Variants in SPINK6 observed in about 807,000 individuals in gnomAD.
SPINK6 encodes the protein serine peptidase inhibitor Kazal type 6.
A neutral mutation model predicts 11.7 loss-of-function variants in SPINK6; 13 were observed. The ratio of observed to expected loss-of-function variants is 1.11; its 90% confidence interval spans 0.72 to 1.76. SPINK6 has a LOEUF of 1.76. Among genes scored for constraint, SPINK6 ranks in the 40% most tolerant of loss-of-function variants. The probability of loss-of-function intolerance (pLI) is 0.00; values close to 1 mark genes in which losing one functional copy is unlikely to be tolerated. For missense variants in SPINK6, 98 were observed against 93.7 expected (o/e 1.05, Z -0.19); for synonymous variants, 21 against 31.9 (o/e 0.66, Z 1.15).
At chr5:148,210,182 ATATGTATTT>A (rs1561732505) in intron 2 of SPINK6, among the ~76,000 whole-genome samples, 5 of 20,620 alleles carry the variant, frequency 2.4e-4, no homozygotes, top group African/African-American at 3.0e-4. Context: ...TTCTGCATGC[ATATGTATTT>A]CTGCATGCAT....
chr5:148,214,719 T>C (rs1020645874), intron 3 of SPINK6, among the ~76,000 whole-genome samples, 186 bp from the exon 4 acceptor site: 1 of 152,240 alleles, frequency 6.6e-6, no homozygotes, highest in African/African-American at 2.4e-5. Context: ...TTAAGATTCA[T>C]ACTTTCCACA....
At chr5:148,205,257 G>C (rs1755482745) in intron 1 of SPINK6, among the ~76,000 whole-genome samples, 1 of 152,136 alleles carries the variant, frequency 6.6e-6, no homozygotes, top group Admixed American at 6.6e-5. Flanking sequence ...GTGTCAGAGG[G>C]ATTGGGAAAG....
intron 2 of SPINK6, among the ~76,000 whole-genome samples, chr5:148,208,916 C>A (rs1755533706): frequency 6.6e-6 from 1 of 152,146 alleles, no homozygotes; most frequent in Non-Finnish European, 1.5e-5. Flanking sequence ...TATTTGGGAA[C>A]CTTATCCTTA....
Position 148,210,108 on chromosome 5 carries a change from ATATG to A in SPINK6, c.82-3792_82-3789del, listed in dbSNP as rs138169490. Among the ~76,000 whole-genome samples the A allele has an allele frequency of 9.4e-3, 1,415 of 150,794 alleles. 145 individuals carry two copies. In the East Asian group the frequency reaches 0.19, roughly 21 times the overall value. On this transcript the variant is annotated intron_variant, in intron 2 of 3. Transcript: ENST00000325630. ...TGCATGTTTACATGTATGTATGCACATATGTATGTATGTTTACATTTATTTCTGC... is the reference window on the plus strand; with the variant it reads ...TGCATGTTTACATGTATGTATGCACATATGTATGTTTACATTTATTTCTGC...
intron 2 of SPINK6, among the ~76,000 whole-genome samples, chr5:148,213,268 G>A (rs1226654403): frequency 6.6e-6 from 1 of 152,040 alleles, no homozygotes; most frequent in Non-Finnish European, 1.5e-5. Flanking sequence ...CTGGAGTGCG[G>A]TGGCGCGATC....
rs1321099766 is a variant in SPINK6, at chr5:148,213,984, C to G, written c.156C>G (p.Gly52=). ...CTAACCCACACTGTGGCTCTGATGGCCAGACATATGGCAATAAATGTGCCT... is the reference window on the plus strand; with the variant it reads ...CTAACCCACACTGTGGCTCTGATGGGCAGACATATGGCAATAAATGTGCCT... ...RESNPHCGSD[G]QTYGNKCAFC... Residue 52 remains glycine, a synonymous_variant, in exon 3 of 4, where the codon GGC becomes GGG. Coordinates refer to ENST00000325630, the MANE Select transcript of SPINK6 (RefSeq NM_205841.4). 1.2e-6 allele frequency: 2 copies of G among 1,613,442 alleles called. No homozygotes were observed. The highest frequency in any genetic ancestry group is 2.2e-5 in the East Asian group (1 of 44,876).
chr5:148,205,990 G>T (rs1755492882), intron 1 of SPINK6, 46 bp from the exon 2 acceptor site: 1 of 1,608,732 alleles, frequency 6.2e-7, no homozygotes, highest in African/African-American at 1.3e-5. Flanking sequence ...TTCACTTTTT[G>T]TACATCAATG....
intron 2 of SPINK6, among the ~76,000 whole-genome samples, chr5:148,207,505 A>G (rs1294743098): frequency 6.6e-6 from 1 of 152,028 alleles, no homozygotes; most frequent in East Asian, 1.9e-4. Flanking sequence ...CTCAGGCCCA[A>G]AAAGGGAGAA....
At chr5:148,214,195 A>G (rs1755653036) in intron 3 of SPINK6, among the ~76,000 whole-genome samples, 170 bp downstream of exon 3, 1 of 152,216 alleles carries the variant, frequency 6.6e-6, no homozygotes, top group Non-Finnish European at 1.5e-5. Context: ...CAACAAAAAC[A>G]TTACATACTA....
At chr5:148,208,092 G>A (rs549301208) in intron 2 of SPINK6, among the ~76,000 whole-genome samples, 1 of 152,232 alleles carries the variant, frequency 6.6e-6, no homozygotes, top group African/African-American at 2.4e-5. Context: ...ATAGATGAGT[G>A]GAGTCCTCAT....
At position 148,203,071 on chromosome 5, in the gene SPINK6, T is replaced by C. The variant is rs1169659438; in HGVS notation, c.-26T>C. The stretch of plus-strand genomic sequence containing the variant: ...AGAACCTCAGCTGGACAAAGCAGCC[T>C]TGATCTGAGTGAGCTAACTGACACA... On this transcript the variant is annotated 5_prime_UTR_variant, in exon 1 of 4. Coordinates refer to ENST00000325630, the MANE Select transcript of SPINK6 (RefSeq NM_205841.4). 1 of 1,598,676 alleles carries C rather than the reference T, an allele frequency of 6.3e-7. No homozygotes were observed. Among genetic ancestry groups the C allele is most frequent in the African/African-American group, 1.4e-5 (1 of 73,976 alleles).
chr5:148,210,268 ATGTG>A lies in SPINK6; in HGVS notation c.82-3640_82-3637del, dbSNP rs1192467996. 1.4e-4 allele frequency among the ~76,000 whole-genome samples: 14 copies of A among 103,128 alleles called. 1 individual carries two copies. Among genetic ancestry groups the A allele is most frequent in the African/African-American group, 4.6e-4 (13 of 28,382 alleles). 67.7% of individuals were successfully genotyped at this position (103,128 alleles called of 152,430 possible). On this transcript the variant is annotated intron_variant, in intron 2 of 3. Coordinates refer to ENST00000325630, the MANE Select transcript of SPINK6 (RefSeq NM_205841.4). ...TGTATTTCTGCATACATATATATGT[ATGTG>A]TTTCTGCATACATATATATGTATGT...
At chr5:148,203,224 T>C in intron 1 of SPINK6, 70 bp downstream of exon 1, 2 of 1,138,650 alleles carry the variant, frequency 1.8e-6, no homozygotes, top group South Asian at 1.5e-5. Flanking sequence ...TTGTTTATCA[T>C]ATTTTAAATC....
In SPINK6 at chr5:148,204,911, C is replaced by T. The variant is rs1755478519; in HGVS notation, c.59-1125C>T. On this transcript the variant is annotated intron_variant, in intron 1 of 3. Transcript: ENST00000325630. The stretch of plus-strand genomic sequence containing the variant: ...AATTCTAATAATAAAATATCCCTGG[C>T]TATAAAAACCACTTAGAGTCTTTAA... Among the ~76,000 whole-genome samples the T allele has an allele frequency of 7.9e-5, 12 of 152,152 alleles. No individual in the cohort carries two copies. The South Asian group carries it at 2.5e-3, about 32-fold the overall frequency.
chr5:148,209,126 C>A (rs1163543799), intron 2 of SPINK6, among the ~76,000 whole-genome samples: 1 of 152,146 alleles, frequency 6.6e-6, no homozygotes, highest in Non-Finnish European at 1.5e-5. Context: ...TGAAGTTTTT[C>A]ATTTTTCCTA....
chr5:148,205,856 G>C (rs1297234155), intron 1 of SPINK6, among the ~76,000 whole-genome samples, 180 bp from the exon 2 acceptor site: 6 of 149,988 alleles, frequency 4.0e-5, no homozygotes, highest in Non-Finnish European at 8.9e-5. Flanking sequence ...TTCTTAAGAA[G>C]TGAGCAGATT....
At chr5:148,214,134 A>G in intron 3 of SPINK6, 109 bp downstream of exon 3, 1 of 539,068 alleles carries the variant, frequency 1.9e-6, no homozygotes, top group Non-Finnish European at 3.2e-6. Flanking sequence ...CCCCATAGAG[A>G]CTGAAGAAAC....
chr5:148,209,997 C>CATACGTACGTAT lies in SPINK6; in HGVS notation c.82-3913_82-3912insATACGTACGTAT, dbSNP rs1561732192. ...GTACGTATGTATGTATACATATACACGTATGTATACATGTATGTACGCATG... is the reference window on the plus strand; with the variant it reads ...GTACGTATGTATGTATACATATACACATACGTACGTATGTATGTATACATGTATGTACGCATG... On this transcript the variant is annotated intron_variant, in intron 2 of 3. Transcript: ENST00000325630. 1.0e-3 allele frequency among the ~76,000 whole-genome samples: 146 copies of CATACGTACGTAT among 145,992 alleles called. 24 individuals carry two copies. The highest frequency in any genetic ancestry group is 2.1e-4 in the Non-Finnish European group (14 of 65,506).
intron 2 of SPINK6, among the ~76,000 whole-genome samples, chr5:148,206,765 G>T (rs1755504110): frequency 6.6e-6 from 1 of 151,904 alleles, no homozygotes; most frequent in Non-Finnish European, 1.5e-5. Context: ...AGTACTATTT[G>T]TTCTGCCAAT....
Sources: allele counts gnomAD v4.1 joint callset (sites outside exome capture counted in the v4.1 genomes callset), GRCh38; gene constraint gnomAD v4.1.1; transcripts MANE v1.5; gene names NCBI Gene and HGNC (gene_info 2026-07-23, HGNC 2026-07-21).